Variants in ZNF717 observed in about 807,000 individuals in gnomAD.
The protein encoded by ZNF717 is krueppel-like factor X17.
In ZNF717, 9 loss-of-function variants were observed where a neutral mutation model predicts 13.8. The ratio of observed to expected loss-of-function variants is 0.65; its 90% CI spans 0.39 to 1.14. ZNF717 has a LOEUF of 1.14. ZNF717 is among the 50% of genes most tolerant of loss of function. ZNF717 has a pLI of 0.01. For missense variants in ZNF717, 1,040 were observed against 1,080.7 expected, an observed-to-expected ratio of 0.96 and a Z score of 0.53; for synonymous variants, 327 against 364.1, an observed-to-expected ratio of 0.90 and a Z score of 1.16.
At chr3:75,757,698 C>T (rs1183246215) in intron 2 of ZNF717, among the ~76,000 whole-genome samples, 1 of 152,146 alleles carries the variant, frequency 6.6e-6, no homozygotes, top group Non-Finnish European at 1.5e-5. Flanking sequence ...TATAGCTTGT[C>T]TAGAAAGTGA....
intron 2 of ZNF717, among the ~76,000 whole-genome samples, chr3:75,758,770 T>G (rs1181966311): frequency 1.3e-5 from 2 of 152,086 alleles, no homozygotes; most frequent in Admixed American, 1.3e-4. Context: ...TCCCAACACT[T>G]TGGGAGGCCA....
intron 4 of ZNF717, among the ~76,000 whole-genome samples, chr3:75,721,858 A>C (rs1019454422): frequency 6.6e-6 from 1 of 152,120 alleles, no homozygotes; most frequent in Non-Finnish European, 1.5e-5. Context: ...AAAGGAAAAA[A>C]AAATTGACAA....
At chr3:75,764,264 T>G (rs1391896886) in intron 2 of ZNF717, among the ~76,000 whole-genome samples, 1 of 152,132 alleles carries the variant, frequency 6.6e-6, no homozygotes, top group Non-Finnish European at 1.5e-5. Context: ...ATGGGAGCCG[T>G]GAAACACAAA....
intron 4 of ZNF717, 67 bp downstream of exon 4, chr3:75,741,209 A>T: frequency 1.0e-6 from 1 of 954,952 alleles, no homozygotes; most frequent in East Asian, 2.6e-5. Context: ...TGAAAACAAG[A>T]TAACACTACA....
intron 2 of ZNF717, among the ~76,000 whole-genome samples, chr3:75,758,634 T>C (rs984460648): frequency 5.9e-5 from 9 of 152,122 alleles, no homozygotes; most frequent in Non-Finnish European, 1.2e-4. Context: ...AACTTCAATG[T>C]TGTATTATTT....
At chr3:75,722,634 G>A (rs140015259) in intron 4 of ZNF717, among the ~76,000 whole-genome samples, 2 of 151,860 alleles carry the variant, frequency 1.3e-5, no homozygotes, top group South Asian at 4.2e-4. Context: ...GGCCAACATG[G>A]TGAAACCCCG....
chr3:75,721,926 T>C (rs1938175060), intron 4 of ZNF717, among the ~76,000 whole-genome samples: 1 of 152,034 alleles, frequency 6.6e-6, no homozygotes. Flanking sequence ...CTATTAATGA[T>C]TACATAAGAG....
At chr3:75,779,655 A>AG (rs1944649674) in intron 2 of ZNF717, among the ~76,000 whole-genome samples, 2 of 148,096 alleles carry the variant, frequency 1.4e-5, no homozygotes, top group African/African-American at 5.0e-5. Flanking sequence ...TGCTAAAACC[A>AG]GAACCCAAAA....
intron 2 of ZNF717, among the ~76,000 whole-genome samples, chr3:75,766,918 G>A (rs1183039373): frequency 6.6e-6 from 1 of 152,262 alleles, no homozygotes; most frequent in Non-Finnish European, 1.5e-5. Context: ...AAGGGGAACT[G>A]GAATGTATTT....
At chr3:75,778,461 C>A (rs1332201314) in intron 2 of ZNF717, among the ~76,000 whole-genome samples, 2 of 151,338 alleles carry the variant, frequency 1.3e-5, no homozygotes, top group Non-Finnish European at 2.9e-5. Context: ...TGTGCTAGAC[C>A]AGAAACCCAA....
At chr3:75,783,195 T>C (rs1944935922) in intron 2 of ZNF717, 111 bp downstream of exon 2, 5 of 825,028 alleles carry the variant, frequency 6.1e-6, no homozygotes, top group Non-Finnish European at 1.0e-5. Context: ...TTATGTATAT[T>C]TCCTTCAACC....
exon 6 of ZNF717, chr3:75,710,981 A>T (rs1411308209): frequency 2.6e-5 from 4 of 152,154 alleles, no homozygotes; most frequent in African/African-American, 9.7e-5. Context: ...TTTTACTTAC[A>T]ATCTTAAAGT....
chr3:75,767,466 C>A (rs1943571316), intron 2 of ZNF717, among the ~76,000 whole-genome samples: 1 of 152,262 alleles, frequency 6.6e-6, no homozygotes, highest in African/African-American at 2.4e-5. Flanking sequence ...AAATGAGCCG[C>A]TGTGGTAATC....
Position 75,783,439 on chromosome 3 carries a change from C to A in ZNF717, c.-2-75G>T. The A allele has an allele frequency of 3.4e-6, 4 of 1,171,078 alleles. No individual in the cohort carries two copies. The Admixed American group carries it at 1.0e-4, about 29-fold the overall frequency. 72.5% of individuals were successfully genotyped at this position (1,171,078 alleles called of 1,614,324 possible). On this transcript the variant is annotated intron_variant, in intron 1 of 4. Coordinates refer to ENST00000652011, the MANE Select transcript of ZNF717 (RefSeq NM_001290208.3). ...TGGTCCCAGATTCTTCTGCCCAACA[C>A]TCTAGACACATTACCTGGAAAAGCC... is the stretch of plus-strand genomic sequence containing the variant.
intron 2 of ZNF717, among the ~76,000 whole-genome samples, chr3:75,755,437 T>C (rs1348683657): frequency 6.6e-6 from 1 of 151,826 alleles, no homozygotes; most frequent in Non-Finnish European, 1.5e-5. Flanking sequence ...GAGGGAGGAA[T>C]TGTGGTACAA....
At chr3:75,772,765 C>G (rs1371390178) in intron 2 of ZNF717, among the ~76,000 whole-genome samples, 1 of 152,250 alleles carries the variant, frequency 6.6e-6, no homozygotes, top group Non-Finnish European at 1.5e-5. Flanking sequence ...CAGAACGAAC[C>G]CAGTGGGCCT....
intron 2 of ZNF717, among the ~76,000 whole-genome samples, chr3:75,775,726 G>A (rs990621277): frequency 2.0e-5 from 3 of 151,900 alleles, no homozygotes; most frequent in South Asian, 2.1e-4. Flanking sequence ...GGTGGTGTGC[G>A]CCTGTAATCC....
At chr3:75,747,122 T>A (rs1379706492) in intron 2 of ZNF717, among the ~76,000 whole-genome samples, 1 of 152,136 alleles carries the variant, frequency 6.6e-6, no homozygotes, top group Non-Finnish European at 1.5e-5. Flanking sequence ...AAATAGGGAA[T>A]GTTTTCCCCA....
At chr3:75,740,766 C>T (rs1298253779) in intron 4 of ZNF717, among the ~76,000 whole-genome samples, 6 of 152,072 alleles carry the variant, frequency 3.9e-5, no homozygotes, top group Admixed American at 6.6e-5. Context: ...AGGAGTTCAT[C>T]ATTACAGTGA....
Sources: gnomAD v4.1 joint callset for allele counts (sites outside exome capture counted in the v4.1 genomes callset) on GRCh38, gnomAD v4.1.1 for gene constraint, MANE v1.5 for transcripts, NCBI Gene and HGNC (gene_info 2026-07-23, HGNC 2026-07-21) for gene names.